The following ZNF672 variants were observed in gnomAD, a reference collection of about 807,000 sequenced individuals.
ZNF672 encodes the protein zinc finger protein 672.
For missense variants in ZNF672, 733 were observed against 701.1 expected, an observed-to-expected ratio of 1.05 and a Z score of -0.51; for synonymous variants, 358 against 305.6, an observed-to-expected ratio of 1.17 and a Z score of -1.79.
At position 248,847,721 on chromosome 1, in the gene ZNF672, G is replaced by A. The variant is rs1572199354; in HGVS notation, c.447G>A (p.Ala149=). 6.8e-7 allele frequency: 1 copy of A among 1,460,346 alleles called. No homozygotes were observed. Among genetic ancestry groups the A allele is most frequent in the Non-Finnish European group, 9.0e-7 (1 of 1,110,292 alleles). The allele number at this position is 1,460,346 out of a possible 1,614,324, so 90.5% of individuals were successfully genotyped here. ...QSALLFHQAR[A]HPLGTTSDPA... is the part of the protein sequence containing the mutation. ...CGCTGCTCTTCCACCAGGCGCGGGC[G>A]CACCCCTTGGGGACAACCTCTGACC... Residue 149 remains alanine, a synonymous_variant, in exon 4 of 4, where the codon GCG becomes GCA. Transcript: ENST00000306562.
chr1:248,841,485 C>T (rs1664679117), intron 1 of ZNF672, among the ~76,000 whole-genome samples: 1 of 152,228 alleles, frequency 6.6e-6, no homozygotes, highest in African/African-American at 2.4e-5. Flanking sequence ...TGTATGTTCT[C>T]TCCTTGCCTA....
At position 248,847,282 on chromosome 1, in the gene ZNF672, C is replaced by A; in HGVS notation, c.8C>A (p.Ala3Asp). 1.3e-6 allele frequency: 2 copies of A among 1,598,038 alleles called. No homozygotes were observed. Among genetic ancestry groups the A allele is most frequent in the Non-Finnish European group, 1.7e-6 (2 of 1,166,390 alleles). Residue 3 changes from alanine to aspartate, a missense_variant, in exon 4 of 4, where the codon GCC (alanine) becomes GAC (aspartate). Ala to Asp is a moderately radical substitution (Grantham distance 126). Transcript: ENST00000306562. MFATSGAVAAGKP... is the reference protein window; with the variant it reads MFDTSGAVAAGKP... The stretch of plus-strand genomic sequence containing the variant: ...TGTGAACCCGTCCTCACCATGTTTG[C>A]CACATCTGGGGCAGTGGCAGCGGGG...
At position 248,845,555 on chromosome 1, in the gene ZNF672, A is replaced by T. The variant is rs1053801875; in HGVS notation, c.-320-11A>T. Reference sequence around the variant, plus strand: ...ACATTTTCCCTTTTACTTTATCTCTACTGGGCACAGCACATCTTACTCCAG... The same window carrying T: ...ACATTTTCCCTTTTACTTTATCTCTTCTGGGCACAGCACATCTTACTCCAG... On this transcript the variant is annotated splice_polypyrimidine_tract_variant and intron_variant, in intron 2 of 3. Transcript: ENST00000306562. The T allele has an allele frequency of 2.0e-5, 3 of 151,932 alleles. No homozygotes were observed. Among genetic ancestry groups the T allele is most frequent in the Non-Finnish European group, 4.4e-5 (3 of 68,014 alleles). The allele number at this position is 151,932 out of a possible 1,614,324, so 9.4% of individuals were successfully genotyped here. A position where few individuals can be genotyped will look rare whatever the true frequency, so the allele number is the denominator to read the frequency against.
Position 248,847,872 on chromosome 1 carries a change from C to A in ZNF672, c.598C>A (p.Gln200Lys). The A allele has an allele frequency of 6.3e-7, 1 of 1,588,434 alleles. No homozygotes were observed. The highest frequency in any genetic ancestry group is 8.5e-7 in the Non-Finnish European group (1 of 1,170,334). Residue 200 changes from glutamine (Q) to lysine (K), a missense_variant, in exon 4 of 4, where the codon CAG (glutamine) becomes AAG (lysine). Transcript: ENST00000306562. ...PTRPRVSDAH[Q>K]CGVCGKCFGK... ...GCGACCCCGTGTCTCAGACGCCCAC[C>A]AGTGTGGCGTGTGCGGCAAGTGCTT...
chr1:248,843,610 G>C (rs778411012), intron 1 of ZNF672, among the ~76,000 whole-genome samples: 1 of 152,032 alleles, frequency 6.6e-6, no homozygotes, highest in Non-Finnish European at 1.5e-5. Flanking sequence ...ATTTGGACAA[G>C]CACTATTCAA....
At chr1:248,839,414 C>T (rs2103026570) in intron 1 of ZNF672, 1 of 152,424 alleles carries the variant, frequency 6.6e-6, no homozygotes, top group South Asian at 2.1e-4. Context: ...GGGAGGCTCT[C>T]TTGAGCTCGG....
Position 248,847,410 on chromosome 1 carries a change from G to C in ZNF672, c.136G>C (p.Glu46Gln), listed in dbSNP as rs552518037. 4 of 1,596,206 alleles carry C rather than the reference G, an allele frequency of 2.5e-6. No individual in the cohort carries two copies. In the South Asian group the frequency reaches 4.5e-5, roughly 18 times the overall value. The change falls in exon 4 of 4, where the codon GAA becomes CAA. Residue 46 changes from glutamate to glutamine, a missense_variant. By Grantham distance (29) the Glu-to-Gln change is conservative (BLOSUM62 2). Coordinates refer to ENST00000306562, the MANE Select transcript of ZNF672 (RefSeq NM_024836.3). ...HGGDGRFRCL[E>Q]CGERCARAAD... ...CGGTGACGGCCGCTTCCGTTGCCTA[G>C]AATGCGGTGAGCGCTGTGCACGGGC...
chr1:248,848,897 AGACTCCCCT>A lies in ZNF672; in HGVS notation c.*266_*274del. On this transcript the variant is annotated 3_prime_UTR_variant, in exon 4 of 4. Transcript: ENST00000306562. ...AGGTGCAGGGAGTCAGGGAACCCTTAGACTCCCCTGTGTGCAAGAGCCCAGGTGTTGGTG... is the reference window on the plus strand; with the variant it reads ...AGGTGCAGGGAGTCAGGGAACCCTTAGTGTGCAAGAGCCCAGGTGTTGGTG... 1 of 698,676 alleles carries A rather than the reference AGACTCCCCT, an allele frequency of 1.4e-6. No homozygotes were observed. The highest frequency in any genetic ancestry group is 2.7e-6 in the Non-Finnish European group (1 of 374,146). 43.3% of individuals were successfully genotyped at this position (698,676 alleles called of 1,614,324 possible). A position where few individuals can be genotyped will look rare whatever the true frequency, so the allele number is the denominator to read the frequency against.
rs1322479356 is a variant in ZNF672 at position 248,847,791 on chromosome 1, C to T, written c.517C>T (p.Arg173Ter). The T allele has an allele frequency of 3.9e-6, 6 of 1,539,086 alleles. No individual in the cohort carries two copies. Among genetic ancestry groups the T allele is most frequent in the Admixed American group, 1.9e-5 (1 of 53,190 alleles). ...HRCAQCPRAF[R>*]SGAGLRSHAR... is the part of the protein sequence containing the mutation. ...CTGCGCGCAGTGCCCGCGAGCCTTCCGAAGCGGCGCCGGGCTGCGGAGTCA... is the reference window on the plus strand; with the variant it reads ...CTGCGCGCAGTGCCCGCGAGCCTTCTGAAGCGGCGCCGGGCTGCGGAGTCA... The change falls in exon 4 of 4, where the codon CGA becomes TGA. Residue 173 changes from arginine to a stop codon, truncating the protein, a stop_gained. Transcript: ENST00000306562. LOFTEE classifies it low-confidence loss of function (END_TRUNC).
chr1:248,841,144 T>A (rs1163079855), intron 1 of ZNF672, among the ~76,000 whole-genome samples: 1 of 148,956 alleles, frequency 6.7e-6, no homozygotes, highest in African/African-American at 2.5e-5. Context: ...GTCAGAGTAT[T>A]TGTATGCAGT....
intron 1 of ZNF672, among the ~76,000 whole-genome samples, chr1:248,840,094 T>A (rs1021184194): frequency 6.7e-6 from 1 of 150,286 alleles, no homozygotes; most frequent in Non-Finnish European, 1.5e-5. Flanking sequence ...TAGCTTTTTT[T>A]AATTTATTTT....
At chr1:248,838,856 C>T (rs923420832) in intron 1 of ZNF672, 1 of 152,258 alleles carries the variant, frequency 6.6e-6, no homozygotes, top group Admixed American at 6.5e-5. Context: ...GCAACGGCCG[C>T]CACCGGGTTC....
intron 1 of ZNF672, among the ~76,000 whole-genome samples, chr1:248,840,047 C>T (rs949659644): frequency 1.4e-5 from 2 of 148,014 alleles, no homozygotes; most frequent in Non-Finnish European, 3.0e-5. Flanking sequence ...CAAGATTTAG[C>T]AATATTTTGA....
In ZNF672 at chr1:248,847,943, G is replaced by A. The variant is rs1431205555; in HGVS notation, c.669G>A (p.Gly223=). ...CGCGACACCTGCAGACGCACTCGGG[G>A]GAGAAACCCTTCAAGTGCCCGGAGT... ...TLTRHLQTHS[G]EKPFKCPECG... Residue 223 remains glycine, a synonymous_variant, in exon 4 of 4, where the codon GGG becomes GGA. Coordinates refer to ENST00000306562, the MANE Select transcript of ZNF672 (RefSeq NM_024836.3). 7 of 1,573,768 alleles carry A rather than the reference G, an allele frequency of 4.4e-6. No individual in the cohort carries two copies. Among genetic ancestry groups the A allele is most frequent in the East Asian group, 2.3e-5 (1 of 42,630 alleles).
Position 248,848,462 on chromosome 1 carries a change from G to C in ZNF672, c.1188G>C (p.Glu396Asp). 2.5e-6 allele frequency: 4 copies of C among 1,606,512 alleles called. No homozygotes were observed. The highest frequency in any genetic ancestry group is 3.4e-6 in the Non-Finnish European group (4 of 1,177,366). The change falls in exon 4 of 4, where the codon GAG becomes GAC. Residue 396 changes from glutamate to aspartate, a missense_variant. Transcript: ENST00000306562. ...RKTHLGERPA[E>D]CAECGKCFSH... is the part of the protein sequence containing the mutation. The stretch of plus-strand genomic sequence containing the variant: ...CGCACCTGGGCGAACGGCCAGCGGA[G>C]TGCGCAGAGTGCGGCAAGTGCTTCA...
chr1:248,845,333 T>C (rs1289357446), intron 2 of ZNF672, among the ~76,000 whole-genome samples: 1 of 152,096 alleles, frequency 6.6e-6, no homozygotes, highest in Non-Finnish European at 1.5e-5. Flanking sequence ...GTATAAGATG[T>C]CTGGGATTTA....
At position 248,848,195 on chromosome 1, in the gene ZNF672, C is replaced by G; in HGVS notation, c.921C>G (p.Gly307=). ...DLVVHQRIHT[G]EKPFACPECG... is the part of the protein sequence containing the mutation. ...TGGTGCACCAGCGCATCCACACGGG[C>G]GAGAAGCCCTTCGCGTGCCCCGAGT... Residue 307 remains glycine (G), a synonymous_variant, in exon 4 of 4, where the codon GGC becomes GGG. Transcript: ENST00000306562. The G allele has an allele frequency of 6.2e-7, 1 of 1,600,200 alleles. No individual in the cohort carries two copies. Among genetic ancestry groups the G allele is most frequent in the Non-Finnish European group, 8.5e-7 (1 of 1,176,938 alleles).
In ZNF672 at chr1:248,847,573, C is replaced by G. The variant is rs1364467474; in HGVS notation, c.299C>G (p.Pro100Arg). 6.4e-7 allele frequency: 1 copy of G among 1,574,104 alleles called. No homozygotes were observed. The highest frequency in any genetic ancestry group is 8.6e-7 in the Non-Finnish European group (1 of 1,163,584). Residue 100 changes from proline to arginine, a missense_variant, in exon 4 of 4, where the codon CCC becomes CGC. By Grantham distance (103) the Pro-to-Arg change is moderately radical. Transcript: ENST00000306562. ...GAHRQRCRTC[P>R]CRTCGRRFPH... ...CACCGGCAGCGATGCCGCACTTGCC[C>G]CTGCCGCACATGCGGCCGGCGCTTC...
At chr1:248,846,601 CTG>C (rs1271622402) in intron 3 of ZNF672, among the ~76,000 whole-genome samples, 1 of 152,220 alleles carries the variant, frequency 6.6e-6, no homozygotes, top group Admixed American at 6.5e-5. Flanking sequence ...CAGCCCAAGT[CTG>C]GCTGGGTTCA....
Sources: allele counts gnomAD v4.1 joint callset (sites outside exome capture counted in the v4.1 genomes callset), GRCh38; gene constraint gnomAD v4.1.1; transcripts MANE v1.5; gene names NCBI Gene and HGNC (gene_info 2026-07-23, HGNC 2026-07-21).